Variants in MINK1 observed in about 807,000 individuals in gnomAD.
MINK1 encodes the protein misshapen like kinase 1, also known as misshapen-like kinase 1.
In MINK1, 46 loss-of-function variants were observed where a neutral mutation model predicts 178.4. The observed-to-expected ratio is 0.26, with a 90% CI of 0.20 to 0.33. MINK1 has a LOEUF of 0.33. Ranked by LOEUF, MINK1 falls within the 10% of genes least tolerant of loss-of-function variation. The pLI, the probability that MINK1 is intolerant of heterozygous loss-of-function variation, is 1.00. For missense variants in MINK1, 1,366 were observed against 1,814.9 expected (o/e 0.75, Z 4.49); for synonymous variants, 797 against 709.7 (o/e 1.12, Z -1.96).
chr17:4,872,767 C>T (rs2150954278), intron 1 of MINK1, among the ~76,000 whole-genome samples: 1 of 152,238 alleles, frequency 6.6e-6, no homozygotes, highest in East Asian at 1.9e-4. Context: ...GACTCTGTCT[C>T]AGAAACAAAA....
intron 12 of MINK1, among the ~76,000 whole-genome samples, chr17:4,889,034 A>C (rs1368550570): frequency 6.6e-6 from 1 of 152,168 alleles, no homozygotes; most frequent in Non-Finnish European, 1.5e-5. Flanking sequence ...TACCTGGAGA[A>C]GGCCTGCTGG....
At chr17:4,889,928 C>G (rs1272608753) in intron 13 of MINK1, 165 bp downstream of exon 13, 5 of 614,694 alleles carry the variant, frequency 8.1e-6, no homozygotes, top group Non-Finnish European at 1.4e-5. Context: ...CAACCCCAAC[C>G]CTGACCCCCT....
At chr17:4,875,233 T>A in intron 1 of MINK1, 1 of 516,970 alleles carries the variant, frequency 1.9e-6, no homozygotes, top group East Asian at 5.5e-5. Context: ...GCTCTCAGGG[T>A]CAGAAAGACC....
At chr17:4,866,315 A>G (rs766444216) in intron 1 of MINK1, among the ~76,000 whole-genome samples, 5 of 151,814 alleles carry the variant, frequency 3.3e-5, no homozygotes, top group Non-Finnish European at 5.9e-5. Context: ...AAAATACAAA[A>G]AATTAGCTGG....
At position 4,886,151 on chromosome 17, in the gene MINK1, C is replaced by G. The variant is rs1968176444; in HGVS notation, c.726C>G (p.Leu242=). 1 of 1,613,908 alleles carries G rather than the reference C, an allele frequency of 6.2e-7. No homozygotes were observed. Among genetic ancestry groups the G allele is most frequent in the Admixed American group, 1.7e-5 (1 of 60,006 alleles). Residue 242 remains leucine (L), a synonymous_variant, in exon 9 of 32, where the codon CTC becomes CTG. Transcript: ENST00000355280. This position sits in a 1 kb window ranked among gnomAD's most constrained non-coding sequence, Gnocchi z 6.1. The stretch of plus-strand genomic sequence containing the variant: ...GTGACATGCACCCCATGCGAGCCCT[C>G]TTCCTCATTCCTCGGAACCCTCCGC... The part of the protein sequence containing the change: ...PLCDMHPMRA[L]FLIPRNPPPR...
intron 1 of MINK1, among the ~76,000 whole-genome samples, chr17:4,838,262 A>G (rs1909605851): frequency 6.6e-6 from 1 of 152,236 alleles, no homozygotes. Flanking sequence ...GGCTGAAACT[A>G]GGTGATCAGT....
intron 20 of MINK1, 92 bp from the exon 21 acceptor site, chr17:4,893,342 T>G: frequency 6.2e-7 from 1 of 1,613,252 alleles, no homozygotes. Flanking sequence ...TGGGAGCCCC[T>G]CCTGTCGCCC....
In MINK1 at chr17:4,896,459, A is replaced by G; in HGVS notation, c.3646A>G (p.Ile1216Val). ...IQSQITPHAIIFLPNTDGMEM... is the reference protein window; with the variant it reads ...IQSQITPHAIVFLPNTDGMEM... The stretch of plus-strand genomic sequence containing the variant: ...GAGCCAGATCACGCCCCATGCCATC[A>G]TCTTCCTCCCCAACACCGACGGCAT... The change falls in exon 30 of 32, where the codon ATC becomes GTC. Residue 1216 changes from isoleucine to valine, a missense_variant. Coordinates refer to ENST00000355280, the MANE Select transcript of MINK1 (RefSeq NM_153827.5). This position sits in a 1 kb window ranked among gnomAD's most constrained non-coding sequence, Gnocchi z 4.6. 1 of 1,613,858 alleles carries G rather than the reference A, an allele frequency of 6.2e-7. No individual in the cohort carries two copies. The highest frequency in any genetic ancestry group is 8.5e-7 in the Non-Finnish European group (1 of 1,179,840).
chr17:4,893,175 G>A, intron 20 of MINK1, 108 bp downstream of exon 20: 1 of 1,523,912 alleles, frequency 6.6e-7, no homozygotes, highest in Non-Finnish European at 9.0e-7. Flanking sequence ...GAGAAGGGCT[G>A]TGGGGATGGA....
intron 5 of MINK1, 76 bp from the exon 6 acceptor site, chr17:4,884,836 C>T: frequency 2.3e-6 from 3 of 1,307,588 alleles, no homozygotes; most frequent in Non-Finnish European, 3.3e-6. Flanking sequence ...CTCCTTGTCC[C>T]CTCAACTCAC....
chr17:4,861,686 A>G, intron 1 of MINK1: 2 of 307,284 alleles, frequency 6.5e-6, no homozygotes, highest in Non-Finnish European at 1.3e-5. Flanking sequence ...TTTTTAGTAG[A>G]GACAGAGTTT....
At chr17:4,835,119 G>A (rs988822822) in intron 1 of MINK1, among the ~76,000 whole-genome samples, 1 of 152,164 alleles carries the variant, frequency 6.6e-6, no homozygotes, top group Non-Finnish European at 1.5e-5. Flanking sequence ...TGAGGAGAGG[G>A]TCTGAAGGCT....
Position 4,858,297 on chromosome 17 carries a change from G to C in MINK1, c.58-20020G>C, listed in dbSNP as rs755133789. 5.3e-5 allele frequency among the ~76,000 whole-genome samples: 8 copies of C among 152,042 alleles called. No homozygotes were observed. In the South Asian group the frequency reaches 6.2e-4, roughly 12 times the overall value. The stretch of plus-strand genomic sequence containing the variant: ...CAGGCCTATTGTTTTCATCTGGGAG[G>C]GGGGAGGGCCTCCCAGGCCAGCTCA... On this transcript the variant is annotated intron_variant, in intron 1 of 31. Coordinates refer to ENST00000355280, the MANE Select transcript of MINK1 (RefSeq NM_153827.5).
intron 1 of MINK1, among the ~76,000 whole-genome samples, chr17:4,860,958 T>G (rs950905465): frequency 1.3e-5 from 2 of 152,204 alleles, no homozygotes; most frequent in Non-Finnish European, 2.9e-5. Flanking sequence ...GGACAGCTCG[T>G]GCCCTCCCCT....
chr17:4,880,338 C>A (rs1255822869), intron 2 of MINK1, among the ~76,000 whole-genome samples: 1 of 149,666 alleles, frequency 6.7e-6, no homozygotes, highest in African/African-American at 2.4e-5. Flanking sequence ...TGCTCTGTCC[C>A]CCAGGTGGGA....
At chr17:4,878,277 T>C in intron 1 of MINK1, 40 bp from the exon 2 acceptor site, 4 of 1,522,260 alleles carry the variant, frequency 2.6e-6, no homozygotes, top group Admixed American at 3.9e-5. Flanking sequence ...AATCCTTTTC[T>C]AAAGTCTTGA....
intron 2 of MINK1, among the ~76,000 whole-genome samples, chr17:4,879,086 G>A (rs1367844454): frequency 1.3e-5 from 2 of 151,936 alleles, no homozygotes; most frequent in Non-Finnish European, 2.9e-5. Flanking sequence ...CACTTGGATT[G>A]TGGGAGCCGC....
rs777397265 is a variant in MINK1 at position 4,894,337 on chromosome 17, C to A, written c.2808+26C>A. On this transcript the variant is annotated intron_variant, in intron 23 of 31. Transcript: ENST00000355280. This position sits in a 1 kb window ranked among gnomAD's most constrained non-coding sequence, Gnocchi z 4.1. ...GTAAGTGGGCCGGAGGCAGGTCCGC[C>A]GGGAGAGAAGAGCCCTGGCGATGGG... is the stretch of plus-strand genomic sequence containing the variant. 7.5e-6 allele frequency: 12 copies of A among 1,604,932 alleles called. No individual in the cohort carries two copies. In the East Asian group the frequency reaches 2.5e-4, roughly 33 times the overall value.
intron 1 of MINK1, among the ~76,000 whole-genome samples, chr17:4,857,540 C>T (rs966581929): frequency 1.4e-5 from 2 of 140,426 alleles, no homozygotes; most frequent in Non-Finnish European, 3.0e-5. Flanking sequence ...GATCTCAGCT[C>T]ACTTCAACCT....
Sources: allele counts gnomAD v4.1 joint callset (sites outside exome capture counted in the v4.1 genomes callset), GRCh38; gene constraint gnomAD v4.1.1; non-coding constraint Gnocchi (gnomAD v3.1); transcripts MANE v1.5; gene names NCBI Gene and HGNC (gene_info 2026-07-23, HGNC 2026-07-21).